Variants in DZIP3 observed in about 807,000 individuals in gnomAD.
The protein encoded by DZIP3 is E3 ubiquitin-protein ligase DZIP3.
DZIP3 carries 118 observed loss-of-function variants against 162.0 expected under a neutral mutation model. That is an observed-to-expected ratio of 0.73 (90% CI 0.63 to 0.85). DZIP3 has a LOEUF of 0.85. Among genes scored for constraint, DZIP3 ranks in the 40% least tolerant of loss-of-function variants. DZIP3 has a pLI of 0.00. For synonymous variants in DZIP3, 438 were observed against 458.6 expected (o/e 0.96, Z 0.57); for missense variants, 1,331 against 1,407.0 (o/e 0.95, Z 0.86).
At position 108,610,212 on chromosome 3, in the gene DZIP3, G is replaced by A. The variant is rs1359500153; in HGVS notation, c.103-962G>A. On this transcript the variant is annotated intron_variant, in intron 3 of 32. Coordinates refer to ENST00000361582, the MANE Select transcript of DZIP3 (RefSeq NM_014648.4). ...TATTTGTGGAATATAGATGGGGATGGAGGAATCTTAATTTAGTACTCAAAC... is the reference window on the plus strand; with the variant it reads ...TATTTGTGGAATATAGATGGGGATGAAGGAATCTTAATTTAGTACTCAAAC... Among the ~76,000 whole-genome samples, 6 of 152,166 alleles carry A rather than the reference G, an allele frequency of 3.9e-5. No individual in the cohort carries two copies. In the South Asian group the frequency reaches 1.2e-3, roughly 32 times the overall value.
In DZIP3 at chr3:108,662,203, A is replaced by G. The variant is rs1436916574; in HGVS notation, c.2369A>G (p.Lys790Arg). The change falls in exon 21 of 33, where the codon AAA becomes AGA. Residue 790 changes from lysine to arginine, a missense_variant. Physicochemically the swap from Lys to Arg is conservative, Grantham distance 26. Transcript: ENST00000361582. Reference protein sequence around the residue: ...ENQMQIKKKDKIIASLNQQVA... With the variant: ...ENQMQIKKKDRIIASLNQQVA... ...CAAATGCAGATTAAAAAGAAAGACA[A>G]AATTATCGCATCTCTTAATCAACAA... The G allele has an allele frequency of 8.7e-6, 14 of 1,610,046 alleles. No individual in the cohort carries two copies. Among genetic ancestry groups the G allele is most frequent in the Non-Finnish European group, 1.2e-5 (14 of 1,179,052 alleles).
chr3:108,675,100 T>C (rs1038834586), intron 24 of DZIP3, among the ~76,000 whole-genome samples: 1 of 151,980 alleles, frequency 6.6e-6, no homozygotes, highest in East Asian at 1.9e-4. Context: ...GGCTGGGTGA[T>C]ACTGGCGTGG....
chr3:108,611,922 C>T (rs1179073258), intron 4 of DZIP3, among the ~76,000 whole-genome samples: 1 of 151,226 alleles, frequency 6.6e-6, no homozygotes, highest in Non-Finnish European at 1.5e-5. Flanking sequence ...CGAGATCATG[C>T]CACTGCACTC....
chr3:108,657,759 G>C (rs1398030010), intron 19 of DZIP3, among the ~76,000 whole-genome samples: 1 of 152,100 alleles, frequency 6.6e-6, no homozygotes, highest in Non-Finnish European at 1.5e-5. Context: ...CACGTGCAGA[G>C]ACACACATAG....
chr3:108,650,762 G>A (rs538960133), intron 17 of DZIP3, among the ~76,000 whole-genome samples: 5 of 151,476 alleles, frequency 3.3e-5, no homozygotes, highest in East Asian at 3.9e-4. Context: ...ATATGAATAC[G>A]TACAGACACA....
In DZIP3 at chr3:108,646,661, T is replaced by G. The variant is rs368993938; in HGVS notation, c.1792+12T>G. On this transcript the variant is annotated intron_variant, in intron 15 of 32. Coordinates refer to ENST00000361582, the MANE Select transcript of DZIP3 (RefSeq NM_014648.4). The stretch of plus-strand genomic sequence containing the variant: ...AACAGGCAGTCAGCGTAAGTATATT[T>G]AGAAATAAAATGTGTAAATGACTTT... 33 of 1,536,782 alleles carry G rather than the reference T, an allele frequency of 2.1e-5. No homozygotes were observed. The African/African-American group carries it at 4.1e-4, about 19-fold the overall frequency.
At chr3:108,685,647 G>A (rs1253389780) in intron 27 of DZIP3, among the ~76,000 whole-genome samples, 2 of 152,118 alleles carry the variant, frequency 1.3e-5, no homozygotes, top group Non-Finnish European at 2.9e-5. Flanking sequence ...CACCACTTTT[G>A]TCTACAACAT....
At position 108,686,489 on chromosome 3, in the gene DZIP3, TG is replaced by T; in HGVS notation, c.3055del (p.Val1019CysfsTer14). The T allele has an allele frequency of 6.2e-7, 1 of 1,611,728 alleles. No homozygotes were observed. On this transcript the variant is annotated frameshift_variant, in exon 28 of 33. Coordinates refer to ENST00000361582, the MANE Select transcript of DZIP3 (RefSeq NM_014648.4). LOFTEE classifies it high-confidence loss of function. ...WALPAPVGDA[V>X]PPSAGLRSDP... ...CTCTGCCAGCGCCTGTGGGAGACGC[TG>T]TGCCTCCCAGTGCAGGTCTGCGGAG...
chr3:108,612,983 C>CT (rs1214901620), intron 4 of DZIP3, among the ~76,000 whole-genome samples: 7 of 152,110 alleles, frequency 4.6e-5, no homozygotes, highest in Admixed American at 4.6e-4. Flanking sequence ...TATCTGACCC[C>CT]TGTACCAGTT....
At chr3:108,623,156 C>T (rs62266425) in intron 5 of DZIP3, among the ~76,000 whole-genome samples, 30,761 of 151,678 alleles carry the variant, frequency 0.2, 3,692 homozygotes, top group East Asian at 0.45. Context: ...ACTTGGTGTT[C>T]TATCCCACTG....
At chr3:108,672,066 C>T (rs1175092443) in intron 22 of DZIP3, among the ~76,000 whole-genome samples, 1 of 151,930 alleles carries the variant, frequency 6.6e-6, no homozygotes, top group Non-Finnish European at 1.5e-5. Flanking sequence ...CGTCTTCCCA[C>T]TATAACTTCA....
At chr3:108,669,778 A>C (rs536177609) in intron 22 of DZIP3, 29 bp downstream of exon 22, 1 of 1,534,018 alleles carries the variant, frequency 6.5e-7, no homozygotes, top group South Asian at 1.1e-5. Context: ...CTTTGGGTGC[A>C]CTCTCTCTGA....
In DZIP3 at chr3:108,624,491, T is replaced by A. The variant is rs147007758; in HGVS notation, c.423T>A (p.Tyr141Ter). ...IGYYLTLLFL[Y>*]GVALTERGKK... ...ATTATTTGACATTACTGTTTTTATATGGAGTAGCACTCACTGAAAGAGGAA... is the reference window on the plus strand; with the variant it reads ...ATTATTTGACATTACTGTTTTTATAAGGAGTAGCACTCACTGAAAGAGGAA... Residue 141 changes from tyrosine to a stop codon, truncating the protein, a stop_gained, in exon 6 of 33, where the codon TAT becomes TAA. Transcript: ENST00000361582. LOFTEE classifies it high-confidence loss of function. The A allele has an allele frequency of 6.9e-6, 11 of 1,598,506 alleles. No homozygotes were observed.
intron 9 of DZIP3, among the ~76,000 whole-genome samples, chr3:108,633,772 GGATCTATCAGAGTACTTCTGATAGA>G (rs1942000277): frequency 1.2e-5 from 1 of 81,418 alleles, no homozygotes; most frequent in African/African-American, 5.7e-5. Context: ...CTCTCTCTCT[GGATCTATCAGAGTACTTCTGATAGA>G]TCTCTCTCTC....
chr3:108,608,238 C>A, intron 3 of DZIP3, 80 bp downstream of exon 3: 1 of 1,167,848 alleles, frequency 8.6e-7, no homozygotes, highest in Non-Finnish European at 1.3e-6. Flanking sequence ...TACATCTAGT[C>A]AGTTTAATTA....
chr3:108,659,068 G>A (rs1053973450), intron 19 of DZIP3, among the ~76,000 whole-genome samples: 5 of 152,188 alleles, frequency 3.3e-5, no homozygotes, highest in African/African-American at 9.7e-5. Context: ...GAGGTACAAG[G>A]AGGAGCTGGT....
chr3:108,622,051 A>G (rs919392720), intron 5 of DZIP3, among the ~76,000 whole-genome samples: 31 of 152,072 alleles, frequency 2.0e-4, no homozygotes, highest in Non-Finnish European at 2.9e-5. Flanking sequence ...AAAAAATTAA[A>G]ATAATGAGAT....
At chr3:108,670,305 T>C (rs570432119) in intron 22 of DZIP3, among the ~76,000 whole-genome samples, 3 of 152,048 alleles carry the variant, frequency 2.0e-5, no homozygotes, top group African/African-American at 7.2e-5. Context: ...TATTCTCCCC[T>C]CCTCTAGCTT....
chr3:108,653,590 C>T (rs1174724384), intron 18 of DZIP3, among the ~76,000 whole-genome samples: 1 of 144,658 alleles, frequency 6.9e-6, no homozygotes. Flanking sequence ...AGTGTAGTTA[C>T]TGAAATCCAT....
Sources: gnomAD v4.1 joint callset for allele counts (sites outside exome capture counted in the v4.1 genomes callset) on GRCh38, gnomAD v4.1.1 for gene constraint, MANE v1.5 for transcripts, NCBI Gene and HGNC (gene_info 2026-07-23, HGNC 2026-07-21) for gene names.